FBXO34: variants seen among roughly 807,000 people sequenced by gnomAD.
The protein encoded by FBXO34 is F-box only protein 34.
A neutral mutation model predicts 24.5 loss-of-function variants in FBXO34; 12 were observed. That is an observed-to-expected ratio of 0.49 (90% CI 0.31 to 0.79). FBXO34 has a LOEUF of 0.79. Among genes scored for constraint, FBXO34 ranks in the 30% least tolerant of loss-of-function variants. FBXO34 has a pLI of 0.04. For missense variants in FBXO34, 823 were observed against 857.7 expected (o/e 0.96, Z 0.51); for synonymous variants, 320 against 311.9 (o/e 1.03, Z -0.27).
Position 55,298,891 on chromosome 14 carries a change from C to T in FBXO34, c.-11+27354C>T, listed in dbSNP as rs144571523. On this transcript the variant is annotated intron_variant, in intron 1 of 1. Transcript: ENST00000313833. Reference sequence around the variant, plus strand: ...TCAACCATCGAGTTCCAGCAGCAGGCCCTGGAGAATGCCAACACCAATACC... The same window carrying T: ...TCAACCATCGAGTTCCAGCAGCAGGTCCTGGAGAATGCCAACACCAATACC... 4.8e-3 allele frequency: 7,584 copies of T among 1,596,292 alleles called. 29 individuals are homozygous for T. Among genetic ancestry groups the T allele is most frequent in the Non-Finnish European group, 5.7e-3 (6,598 of 1,163,734 alleles).
intron 1 of FBXO34, among the ~76,000 whole-genome samples, chr14:55,301,436 C>CAA (rs536199747): frequency 4.0e-4 from 55 of 135,948 alleles, no homozygotes; most frequent in South Asian, 9.3e-4. Flanking sequence ...GACTCTGTCT[C>CAA]AAAAAAAAAA....
the FBXO34 span, among the ~76,000 whole-genome samples, chr14:55,380,920 G>A: frequency 6.9e-6 from 1 of 144,344 alleles, no homozygotes; most frequent in Non-Finnish European, 1.5e-5. Context: ...AGAGCAAATG[G>A]GCCTAAATAG....
chr14:55,356,810 A>G (rs576848831), downstream of FBXO34, among the ~76,000 whole-genome samples: 10 of 152,070 alleles, frequency 6.6e-5, no homozygotes, highest in East Asian at 1.9e-3. Context: ...GTGCAGTGGC[A>G]TGATCTCGAC....
At chr14:55,435,468 A>G in the FBXO34 span, among the ~76,000 whole-genome samples, 44,560 of 151,686 alleles carry the variant, frequency 0.29, 8,862 homozygotes, top group African/African-American at 0.58. Context: ...TAGAGACGGG[A>G]TTTCACCATG....
chr14:55,411,896 C>T, the FBXO34 span: 3 of 1,377,410 alleles, frequency 2.2e-6, no homozygotes, highest in African/African-American at 1.4e-5. Flanking sequence ...GGAGGAGGGG[C>T]CTGGGGAAGG....
At chr14:55,391,001 A>G in the FBXO34 span, 69 of 1,593,106 alleles carry the variant, frequency 4.3e-5, no homozygotes, top group Admixed American at 1.5e-4. Flanking sequence ...CTCTGAAAAA[A>G]GCATGTAATA....
chr14:55,336,868 G>GCA (rs3051328), intron 1 of FBXO34, among the ~76,000 whole-genome samples: 18,453 of 144,102 alleles, frequency 0.13, 1,098 homozygotes, highest in Middle Eastern at 0.14. Flanking sequence ...ATACATGCAC[G>GCA]CACACACACA....
chr14:55,370,377 G>T (rs1004304156), downstream of FBXO34, among the ~76,000 whole-genome samples: 22 of 150,360 alleles, frequency 1.5e-4, no homozygotes, highest in African/African-American at 5.3e-4. Context: ...AAAACTCAGT[G>T]GGTTCCTGTA....
chr14:55,338,796 C>G (rs569527289), intron 1 of FBXO34, among the ~76,000 whole-genome samples: 1 of 152,116 alleles, frequency 6.6e-6, no homozygotes, highest in African/African-American at 2.4e-5. Context: ...GTCCCAGCTA[C>G]TCGGGAGGCT....
At chr14:55,439,617 C>CG in the FBXO34 span, among the ~76,000 whole-genome samples, 2 of 72,628 alleles carry the variant, frequency 2.8e-5, no homozygotes, top group Non-Finnish European at 5.9e-5. Flanking sequence ...AAAGCAAACC[C>CG]CCCCCCGTCT....
chr14:55,435,435 C>G, the FBXO34 span, among the ~76,000 whole-genome samples: 1 of 152,040 alleles, frequency 6.6e-6, no homozygotes, highest in Non-Finnish European at 1.5e-5. Context: ...GCCACAACAT[C>G]CAGCTAATTT....
At chr14:55,424,584 T>G in the FBXO34 span, among the ~76,000 whole-genome samples, 2 of 152,208 alleles carry the variant, frequency 1.3e-5, no homozygotes, top group Non-Finnish European at 2.9e-5. Flanking sequence ...AGTCTGTTAA[T>G]AAGAATACAT....
At chr14:55,371,748 G>A (rs1360264323), downstream of FBXO34, among the ~76,000 whole-genome samples, 4 of 151,946 alleles carry the variant, frequency 2.6e-5, no homozygotes, top group African/African-American at 4.8e-5. Context: ...AGCTTGCAGT[G>A]AGCCGAGATG....
chr14:55,333,814 G>A (rs1286552834), intron 1 of FBXO34, among the ~76,000 whole-genome samples: 1 of 151,142 alleles, frequency 6.6e-6, no homozygotes, highest in Non-Finnish European at 1.5e-5. Context: ...AGTGTTTCTT[G>A]TTGGGACTTA....
chr14:55,387,978 GA>G, the FBXO34 span, among the ~76,000 whole-genome samples: 1 of 152,012 alleles, frequency 6.6e-6, no homozygotes, highest in East Asian at 1.9e-4. Context: ...TTACAGTTTT[GA>G]AACAACAATC....
At chr14:55,295,316 G>T (rs1020883108) in intron 1 of FBXO34, among the ~76,000 whole-genome samples, 2 of 151,626 alleles carry the variant, frequency 1.3e-5, no homozygotes, top group Non-Finnish European at 2.9e-5. Context: ...CGTGGACTAG[G>T]CCTTATGCTA....
chr14:55,367,738 C>G (rs939051086), exon 3 of FBXO34: 2 of 130,770 alleles, frequency 1.5e-5, no homozygotes, highest in East Asian at 4.3e-4. Flanking sequence ...AGTGAGACTC[C>G]GTCTCCAAAA....
At chr14:55,431,392 AC>A in the FBXO34 span, among the ~76,000 whole-genome samples, 1 of 152,210 alleles carries the variant, frequency 6.6e-6, no homozygotes, top group Non-Finnish European at 1.5e-5. Flanking sequence ...GATAACAAAC[AC>A]CATTTAGCTG....
the FBXO34 span, among the ~76,000 whole-genome samples, chr14:55,410,113 T>C: frequency 4.8e-3 from 726 of 152,218 alleles, 5 homozygotes; most frequent in African/African-American, 0.017. Context: ...AACAATGAGA[T>C]TGACATTTAC....
Sources: gnomAD v4.1 joint callset for allele counts (sites outside exome capture counted in the v4.1 genomes callset) on GRCh38, gnomAD v4.1.1 for gene constraint, MANE v1.5 for transcripts, NCBI Gene and HGNC (gene_info 2026-07-23, HGNC 2026-07-21) for gene names.